Variants in ABI2 observed in about 807,000 individuals in gnomAD.
The protein encoded by ABI2 is abelson interactor 2.
In ABI2, 25 loss-of-function variants were observed where a neutral mutation model predicts 59.2. That is an observed-to-expected ratio of 0.42 (90% confidence interval 0.31 to 0.59). The LOEUF (loss-of-function observed/expected upper bound fraction) is 0.59, where lower values mean the gene tolerates loss of function less well. Among genes scored for constraint, ABI2 ranks in the 20% least tolerant of loss-of-function variants. ABI2 has a pLI of 0.14. For synonymous variants in ABI2, 213 were observed against 235.5 expected, an observed-to-expected ratio of 0.90 and a Z score of 0.87; for missense variants, 545 against 681.8, an observed-to-expected ratio of 0.80 and a Z score of 2.23.
In ABI2 at chr2:203,417,564, G is replaced by A. The variant is rs76041163; in HGVS notation, c.1453+483G>A. On this transcript the variant is annotated intron_variant, in intron 11 of 11. Transcript: ENST00000261018. ...TTCTTTGATATTAGCTAATTATGAT[G>A]TAGCACTTTGGGATACAAGCTTTCA... 9.9e-4 allele frequency among the ~76,000 whole-genome samples: 150 copies of A among 152,270 alleles called. 1 individual carries two copies. The East Asian group carries it at 0.026, about 26-fold the overall frequency.
chr2:203,356,244 G>A (rs764209578), intron 1 of ABI2, among the ~76,000 whole-genome samples: 1 of 152,030 alleles, frequency 6.6e-6, no homozygotes, highest in Non-Finnish European at 1.5e-5. Flanking sequence ...CTGGAGGGCA[G>A]TGTTGCAATC....
intron 1 of ABI2, among the ~76,000 whole-genome samples, chr2:203,343,235 G>A (rs570278859): frequency 6.6e-6 from 1 of 152,120 alleles, no homozygotes; most frequent in Non-Finnish European, 1.5e-5. Flanking sequence ...GTGGTGGCAC[G>A]CATCTGTAGT....
At chr2:203,402,764 A>G (rs991562419) in intron 9 of ABI2, 30 bp downstream of exon 9, 1 of 1,512,372 alleles carries the variant, frequency 6.6e-7, no homozygotes, top group African/African-American at 1.4e-5. Flanking sequence ...TGCATTCTAT[A>G]GAATGTATTT....
chr2:203,420,880 G>A (rs1488698803), intron 11 of ABI2, among the ~76,000 whole-genome samples: 1 of 151,184 alleles, frequency 6.6e-6, no homozygotes, highest in Non-Finnish European at 1.5e-5. Flanking sequence ...AAGAGAGAAA[G>A]GAAGGGCCTT....
At chr2:203,393,470 C>T (rs979810177) in intron 5 of ABI2, among the ~76,000 whole-genome samples, 1 of 152,250 alleles carries the variant, frequency 6.6e-6, no homozygotes, top group Non-Finnish European at 1.5e-5. Context: ...GATGCTGGAA[C>T]TTCCTTTTAG....
intron 8 of ABI2, among the ~76,000 whole-genome samples, chr2:203,399,397 GT>G (rs930798330): frequency 1.8e-4 from 28 of 151,534 alleles, no homozygotes; most frequent in East Asian, 7.7e-4. Context: ...TTTTAATAGG[GT>G]TTTTTTCCTT....
chr2:203,372,717 G>T (rs2095355904), intron 2 of ABI2, among the ~76,000 whole-genome samples: 1 of 151,702 alleles, frequency 6.6e-6, no homozygotes, highest in Admixed American at 6.6e-5. Flanking sequence ...CTCAGACGGG[G>T]CGGCTGCCGG....
rs1294093718 is a variant in ABI2, at chr2:203,405,706, C to CT, written c.1192+2981dup. ...TGATCTGAAGTGTGTGTTTTATGAG[C>CT]TTTTTTTTTGGGGGGGTAATTGGAG... On this transcript the variant is annotated intron_variant, in intron 9 of 11. Coordinates refer to ENST00000261018, the MANE Select transcript of ABI2 (RefSeq NM_001375670.1). Among the ~76,000 whole-genome samples, 855 of 151,082 alleles carry CT rather than the reference C, an allele frequency of 5.7e-3. 10 individuals are homozygous for CT. The highest frequency in any genetic ancestry group is 0.019 in the African/African-American group (789 of 41,192).
chr2:203,373,698 A>T (rs2095478943), intron 2 of ABI2, among the ~76,000 whole-genome samples: 2 of 152,236 alleles, frequency 1.3e-5, no homozygotes, highest in African/African-American at 4.8e-5. Context: ...CCAAGGGCTG[A>T]GTAGGACTTA....
chr2:203,399,255 A>G (rs1179059629), intron 8 of ABI2, among the ~76,000 whole-genome samples: 2 of 151,934 alleles, frequency 1.3e-5, no homozygotes, highest in African/African-American at 2.4e-5. Flanking sequence ...ATGGTTTCTC[A>G]TTACATGTGT....
rs577487160 is a variant in ABI2 at position 203,338,877 on chromosome 2, A to C, written c.117+10246A>C. 7.7e-4 allele frequency among the ~76,000 whole-genome samples: 111 copies of C among 143,678 alleles called. 1 individual carries two copies. Among genetic ancestry groups the C allele is most frequent in the African/African-American group, 2.8e-3 (106 of 37,794 alleles). The allele number at this position is 143,678 out of a possible 152,430, so 94.3% of individuals were successfully genotyped here. A position where few individuals can be genotyped will look rare whatever the true frequency, so the allele number is the denominator to read the frequency against. On this transcript the variant is annotated intron_variant, in intron 1 of 11. Coordinates refer to ENST00000261018, the MANE Select transcript of ABI2 (RefSeq NM_001375670.1). ...TTATGGAATGGGAGAAAATGTGCAA[A>C]CCATACATCTATCTGATAAGGGGTT...
Position 203,408,833 on chromosome 2 carries a change from C to CTTTCTTTTTTTT in ABI2, c.1193-2449_1193-2448insCTTTTTTTTTTT, listed in dbSNP as rs1259310860. On this transcript the variant is annotated intron_variant, in intron 9 of 11. Transcript: ENST00000261018. Reference sequence around the variant, plus strand: ...TTTTGTCTATGCTACCTTCTCCTTTCTTTTTTTTTTTTTTTTGAGACGGAG... The same window carrying CTTTCTTTTTTTT: ...TTTTGTCTATGCTACCTTCTCCTTTCTTTCTTTTTTTTTTTTTTTTTTTTTTTTGAGACGGAG... Among the ~76,000 whole-genome samples the CTTTCTTTTTTTT allele has an allele frequency of 6.7e-3, 583 of 87,116 alleles. 32 individuals are homozygous for CTTTCTTTTTTTT. Among genetic ancestry groups the CTTTCTTTTTTTT allele is most frequent in the East Asian group, 0.05 (200 of 3,984 alleles). The allele number at this position is 87,116 out of a possible 152,430, so 57.2% of individuals were successfully genotyped here. A position where few individuals can be genotyped will look rare whatever the true frequency, so the allele number is the denominator to read the frequency against.
At chr2:203,342,556 A>ATTTATTTG (rs1435099467) in intron 1 of ABI2, among the ~76,000 whole-genome samples, 1 of 142,752 alleles carries the variant, frequency 7.0e-6, no homozygotes, top group Non-Finnish European at 1.5e-5. Flanking sequence ...AAAACCTTTT[A>ATTTATTTG]TTTATTTATT....
At chr2:203,378,334 A>C (rs189850012) in intron 2 of ABI2, among the ~76,000 whole-genome samples, 5 of 152,172 alleles carry the variant, frequency 3.3e-5, no homozygotes, top group South Asian at 2.1e-4. Context: ...GATGGTCTCG[A>C]TCTCCGGACT....
At chr2:203,344,358 T>A (rs373915531) in intron 1 of ABI2, among the ~76,000 whole-genome samples, 12 of 151,790 alleles carry the variant, frequency 7.9e-5, no homozygotes, top group African/African-American at 2.2e-4. Flanking sequence ...ATATAATTTT[T>A]AAATTTTTTT....
intron 4 of ABI2, among the ~76,000 whole-genome samples, chr2:203,382,845 A>C (rs1191919740): frequency 6.6e-6 from 1 of 152,114 alleles, no homozygotes; most frequent in Non-Finnish European, 1.5e-5. Context: ...AAACTGTAAG[A>C]GCTTTTAAAG....
At chr2:203,373,830 C>T (rs977989825) in intron 2 of ABI2, among the ~76,000 whole-genome samples, 1 of 152,118 alleles carries the variant, frequency 6.6e-6, no homozygotes, top group Non-Finnish European at 1.5e-5. Flanking sequence ...AGGCAGTGGC[C>T]TTAAGAACTC....
chr2:203,422,407 G>A (rs1356534388), intron 11 of ABI2, among the ~76,000 whole-genome samples: 1 of 152,192 alleles, frequency 6.6e-6, no homozygotes, highest in East Asian at 1.9e-4. Context: ...TGCACTAACT[G>A]GGGCGGTGAC....
chr2:203,342,902 A>G (rs2080894764), intron 1 of ABI2, among the ~76,000 whole-genome samples: 1 of 152,214 alleles, frequency 6.6e-6, no homozygotes, highest in Non-Finnish European at 1.5e-5. Context: ...CATGAAATTT[A>G]TATTATTTCT....
Sources: gnomAD v4.1 joint callset for allele counts (sites outside exome capture counted in the v4.1 genomes callset) on GRCh38, gnomAD v4.1.1 for gene constraint, MANE v1.5 for transcripts, NCBI Gene and HGNC (gene_info 2026-07-23, HGNC 2026-07-21) for gene names.